Variants in DCC observed in about 807,000 individuals in gnomAD.
DCC encodes the protein DCC netrin 1 receptor.
DCC carries 58 observed loss-of-function variants against 172.5 expected under a neutral mutation model. The ratio of observed to expected loss-of-function variants is 0.34; its 90% CI spans 0.27 to 0.42. The LOEUF (loss-of-function observed/expected upper bound fraction) is 0.42. DCC is among the 10% of genes least tolerant of loss of function. DCC has a pLI of 1.00. For missense variants in DCC, 1,740 were observed against 1,791.0 expected (o/e 0.97, Z 0.51); for synonymous variants, 709 against 644.5 (o/e 1.10, Z -1.52).
intron 1 of DCC, among the ~76,000 whole-genome samples, chr18:52,657,487 T>G (rs903823192): frequency 4.5e-4 from 69 of 152,272 alleles, no homozygotes; most frequent in African/African-American, 1.6e-3. Context: ...GTCGAGATTT[T>G]ATTTTAACCA....
intron 2 of DCC, among the ~76,000 whole-genome samples, chr18:52,810,161 T>A (rs2038166497): frequency 6.6e-6 from 1 of 152,198 alleles, no homozygotes; most frequent in Admixed American, 6.5e-5. Context: ...AATTTTAATT[T>A]TCTTAAGACA....
At chr18:52,759,817 C>A (rs1254685317) in intron 2 of DCC, among the ~76,000 whole-genome samples, 2 of 152,056 alleles carry the variant, frequency 1.3e-5, no homozygotes, top group Non-Finnish European at 1.5e-5. Context: ...AAGAAAAAAG[C>A]ATAACAAATT....
intron 27 of DCC, among the ~76,000 whole-genome samples, chr18:53,512,215 C>T (rs377622845): frequency 3.6e-4 from 55 of 151,986 alleles, no homozygotes; most frequent in Non-Finnish European, 5.7e-4. Flanking sequence ...ACACCTCACA[C>T]GGCAGGGTAT....
At position 52,828,238 on chromosome 18, in the gene DCC, G is replaced by A. The variant is rs144705709; in HGVS notation, c.412+75864G>A. On this transcript the variant is annotated intron_variant, in intron 2 of 28. Transcript: ENST00000442544. ...TCCTTCATGATGGATTTTTGAGATT[G>A]TTGTGGGAAACAAATACAAGATGTT... Among the ~76,000 whole-genome samples the A allele has an allele frequency of 2.6e-4, 39 of 152,230 alleles. 2 individuals are homozygous for A. In the East Asian group the frequency reaches 6.9e-3, roughly 27 times the overall value.
At chr18:53,490,310 T>C (rs1331578147) in intron 26 of DCC, among the ~76,000 whole-genome samples, 1 of 152,216 alleles carries the variant, frequency 6.6e-6, no homozygotes, top group African/African-American at 2.4e-5. Context: ...ATTGGGTTTC[T>C]AGAAGTGTTC....
chr18:53,268,698 CGTG>C (rs1382536173), intron 12 of DCC, among the ~76,000 whole-genome samples: 1 of 152,128 alleles, frequency 6.6e-6, no homozygotes, highest in East Asian at 1.9e-4. Flanking sequence ...ATGGAGGAAT[CGTG>C]GTGCTGTCAC....
intron 1 of DCC, among the ~76,000 whole-genome samples, chr18:52,651,847 G>A (rs1447546960): frequency 6.6e-6 from 1 of 152,126 alleles, no homozygotes; most frequent in Non-Finnish European, 1.5e-5. Context: ...GTTACACAGG[G>A]CAGAAGGACT....
chr18:52,364,086 C>T (rs556627118), intron 1 of DCC, among the ~76,000 whole-genome samples: 1 of 152,224 alleles, frequency 6.6e-6, no homozygotes, highest in Admixed American at 6.5e-5. Flanking sequence ...AACCGCAGCT[C>T]CAAAAGAAGA....
At chr18:52,767,245 G>A (rs1477950783) in intron 2 of DCC, among the ~76,000 whole-genome samples, 2 of 151,962 alleles carry the variant, frequency 1.3e-5, no homozygotes, top group African/African-American at 4.8e-5. Flanking sequence ...TAATACTCAG[G>A]GTTCATGATT....
At chr18:52,683,516 T>G (rs537172136) in intron 1 of DCC, among the ~76,000 whole-genome samples, 4 of 152,104 alleles carry the variant, frequency 2.6e-5, no homozygotes, top group Non-Finnish European at 5.9e-5. Context: ...GACATATTGA[T>G]TGAACTCAAC....
chr18:53,405,763 C>G (rs906000378), intron 19 of DCC, among the ~76,000 whole-genome samples: 2 of 152,210 alleles, frequency 1.3e-5, no homozygotes, highest in East Asian at 3.9e-4. Flanking sequence ...CTTCTGAGAT[C>G]TTTAGTATGA....
intron 1 of DCC, among the ~76,000 whole-genome samples, chr18:52,487,548 C>G (rs1173894260): frequency 1.3e-5 from 2 of 152,186 alleles, no homozygotes; most frequent in South Asian, 4.1e-4. Flanking sequence ...CGGTGGCTCA[C>G]GCCTGTAATC....
At chr18:52,601,541 T>C (rs537429044) in intron 1 of DCC, among the ~76,000 whole-genome samples, 5 of 152,182 alleles carry the variant, frequency 3.3e-5, no homozygotes, top group African/African-American at 1.2e-4. Flanking sequence ...TGCCATTTTA[T>C]CTTTTTTCTT....
At chr18:52,709,098 T>C (rs1270266685) in intron 1 of DCC, among the ~76,000 whole-genome samples, 2 of 152,198 alleles carry the variant, frequency 1.3e-5, no homozygotes, top group African/African-American at 2.4e-5. Flanking sequence ...ACTTTGCTGT[T>C]GTGAAACACG....
At chr18:52,378,423 A>G (rs930973179) in intron 1 of DCC, among the ~76,000 whole-genome samples, 4 of 152,174 alleles carry the variant, frequency 2.6e-5, no homozygotes, top group South Asian at 4.1e-4. Flanking sequence ...CACCTTCTCT[A>G]CATGCAGGAA....
chr18:52,532,271 G>A lies in DCC; in HGVS notation c.91+191393G>A, dbSNP rs550672618. Among the ~76,000 whole-genome samples, 3 of 152,288 alleles carry A rather than the reference G, an allele frequency of 2.0e-5. No homozygotes were observed. The East Asian group carries it at 5.8e-4, about 29-fold the overall frequency. On this transcript the variant is annotated intron_variant, in intron 1 of 28. Transcript: ENST00000442544. ...TCCTAGGCATATACATTTTGCATGT[G>A]ATTAATGTGAGGACTTCTTATCAAA... is the stretch of plus-strand genomic sequence containing the variant.
intron 1 of DCC, among the ~76,000 whole-genome samples, chr18:52,652,125 G>T (rs1192238433): frequency 6.6e-6 from 1 of 152,170 alleles, no homozygotes; most frequent in Non-Finnish European, 1.5e-5. Context: ...CCAGGCTTAG[G>T]CTTCTACCTA....
intron 1 of DCC, among the ~76,000 whole-genome samples, chr18:52,522,316 A>C (rs2144668405): frequency 6.6e-6 from 1 of 152,232 alleles, no homozygotes; most frequent in East Asian, 1.9e-4. Flanking sequence ...GAAATTATGG[A>C]CATTCCCATC....
chr18:53,303,611 T>A (rs901186583), intron 12 of DCC, among the ~76,000 whole-genome samples: 8 of 152,196 alleles, frequency 5.3e-5, no homozygotes, highest in Non-Finnish European at 1.2e-4. Context: ...CGGTGTGGCC[T>A]GTCTGTTTGG....
Sources: allele counts gnomAD v4.1 joint callset (sites outside exome capture counted in the v4.1 genomes callset), GRCh38; gene constraint gnomAD v4.1.1; transcripts MANE v1.5; gene names NCBI Gene and HGNC (gene_info 2026-07-23, HGNC 2026-07-21).